The following PTPRE variants were observed in gnomAD, a reference collection of about 807,000 sequenced individuals.
PTPRE encodes protein tyrosine phosphatase receptor type E, also known as receptor-type tyrosine-protein phosphatase epsilon.
In PTPRE, 51 loss-of-function variants were observed where a neutral mutation model predicts 102.0. The ratio of observed to expected loss-of-function variants is 0.50; its 90% confidence interval spans 0.40 to 0.63. The LOEUF (loss-of-function observed/expected upper bound fraction) is 0.63. Among genes scored for constraint, PTPRE ranks in the 30% least tolerant of loss-of-function variants. PTPRE has a pLI of 0.00. For synonymous variants in PTPRE, 345 were observed against 348.2 expected (o/e 0.99, Z 0.10); for missense variants, 752 against 915.1 (o/e 0.82, Z 2.30).
chr10:128,004,127 C>T (rs1019725959), intron 2 of PTPRE, among the ~76,000 whole-genome samples: 8 of 151,404 alleles, frequency 5.3e-5, no homozygotes, highest in African/African-American at 1.9e-4. Context: ...AAATGTGCTG[C>T]GTGCAACAAA....
At chr10:128,049,754 G>A in intron 6 of PTPRE, 88 bp downstream of exon 6, 1 of 1,568,272 alleles carries the variant, frequency 6.4e-7, no homozygotes, top group South Asian at 1.2e-5. Context: ...TTATCCCAAA[G>A]ACTCAGAACC....
intron 2 of PTPRE, among the ~76,000 whole-genome samples, chr10:128,011,938 T>C (rs1436243522): frequency 6.6e-6 from 1 of 152,180 alleles, no homozygotes; most frequent in African/African-American, 2.4e-5. Flanking sequence ...GCGGAAACTG[T>C]CCCAAGATCA....
At position 127,935,621 on chromosome 10, in the gene PTPRE, G is replaced by A. The variant is rs1887463; in HGVS notation, c.-31+28312G>A. Among the ~76,000 whole-genome samples the A allele has an allele frequency of 9.2e-3, 1,401 of 152,162 alleles. 8 individuals are homozygous for A. Among genetic ancestry groups the A allele is most frequent in the East Asian group, 0.024 (126 of 5,152 alleles). On this transcript the variant is annotated intron_variant, in intron 1 of 20. Transcript: ENST00000254667. ...GGACCCTGTCTCCACCCGAGGGCAC[G>A]TTCTCTGACCTCTTCTGCGGAGTAC...
In PTPRE at chr10:127,940,188, C is replaced by T. The variant is rs772189508; in HGVS notation, c.-31+32879C>T. ...TGAGGTGGCTGACAGCTTCACCCAG[C>T]TGAGGTTCTTGCCCATCCTATACAC... On this transcript the variant is annotated intron_variant, in intron 1 of 20. Transcript: ENST00000254667. Among the ~76,000 whole-genome samples, 11 of 152,114 alleles carry T rather than the reference C, an allele frequency of 7.2e-5. 1 individual carries two copies. Among genetic ancestry groups the T allele is most frequent in the Non-Finnish European group, 1.6e-4 (11 of 68,002 alleles).
chr10:128,011,277 T>C (rs1844986660), intron 2 of PTPRE, among the ~76,000 whole-genome samples: 1 of 152,218 alleles, frequency 6.6e-6, no homozygotes, highest in South Asian at 2.1e-4. Context: ...AATCTTAGAA[T>C]GCTAGTTCCT....
chr10:127,987,826 A>C (rs1161094583), intron 2 of PTPRE, among the ~76,000 whole-genome samples: 2 of 152,220 alleles, frequency 1.3e-5, no homozygotes, highest in Admixed American at 1.3e-4. Flanking sequence ...TGCCCTCTTC[A>C]TTTTTCATTT....
intron 1 of PTPRE, among the ~76,000 whole-genome samples, chr10:127,931,354 A>G (rs1485433023): frequency 2.6e-5 from 4 of 152,248 alleles, no homozygotes; most frequent in African/African-American, 9.6e-5. Context: ...TAAATGGCCC[A>G]AAGGATTCGT....
intron 10 of PTPRE, among the ~76,000 whole-genome samples, chr10:128,063,990 C>T (rs917570773): frequency 1.3e-5 from 2 of 152,204 alleles, no homozygotes; most frequent in Non-Finnish European, 2.9e-5. Flanking sequence ...CATGAAGGCC[C>T]GGTTCAGTGG....
Position 127,978,895 on chromosome 10 carries a change from C to T in PTPRE, c.-30-3379C>T, listed in dbSNP as rs182523358. ...AATTAGCCAGGTGTGGTGGTGTGTG[C>T]CTGTAATCCCAGCTACTCAGGAGGC... On this transcript the variant is annotated intron_variant, in intron 1 of 20. Coordinates refer to ENST00000254667, the MANE Select transcript of PTPRE (RefSeq NM_006504.6). Among the ~76,000 whole-genome samples the T allele has an allele frequency of 2.5e-3, 381 of 152,204 alleles. 6 individuals carry two copies. Among genetic ancestry groups the T allele is most frequent in the Admixed American group, 0.022 (337 of 15,296 alleles).
At chr10:127,927,478 G>T (rs1045724372) in intron 1 of PTPRE, among the ~76,000 whole-genome samples, 2 of 152,172 alleles carry the variant, frequency 1.3e-5, no homozygotes, top group South Asian at 2.1e-4. Flanking sequence ...CCATATTATG[G>T]TTAGCAAAAC....
chr10:128,066,284 C>A (rs1850081623), intron 11 of PTPRE, 90 bp downstream of exon 11: 1 of 1,555,508 alleles, frequency 6.4e-7, no homozygotes, highest in Non-Finnish European at 8.7e-7. Flanking sequence ...TTATGAAGTG[C>A]TTTGCTCCCA....
chr10:127,967,350 T>A (rs1278254831), intron 1 of PTPRE, among the ~76,000 whole-genome samples: 1 of 152,132 alleles, frequency 6.6e-6, no homozygotes, highest in African/African-American at 2.4e-5. Flanking sequence ...TCCCCACGTG[T>A]CATGGGAGGG....
At chr10:128,076,425 T>C (rs1374603851) in intron 17 of PTPRE, among the ~76,000 whole-genome samples, 178 bp from the exon 18 acceptor site, 1 of 152,212 alleles carries the variant, frequency 6.6e-6, no homozygotes, top group African/African-American at 2.4e-5. Flanking sequence ...TTCTAGACTC[T>C]GTTCTGTTCC....
intron 2 of PTPRE, among the ~76,000 whole-genome samples, chr10:128,029,436 G>A (rs757548740): frequency 1.2e-4 from 18 of 152,150 alleles, no homozygotes; most frequent in Non-Finnish European, 1.8e-4. Context: ...GGCGTCTGAA[G>A]CAGGTGGCAC....
At chr10:127,922,420 G>T (rs965589910) in intron 1 of PTPRE, among the ~76,000 whole-genome samples, 3 of 152,216 alleles carry the variant, frequency 2.0e-5, no homozygotes, top group Non-Finnish European at 4.4e-5. Context: ...TGGAGACTCC[G>T]TGGGGCAAGG....
chr10:127,961,559 C>T (rs1473319519), intron 1 of PTPRE, among the ~76,000 whole-genome samples: 2 of 152,154 alleles, frequency 1.3e-5, no homozygotes, highest in Non-Finnish European at 2.9e-5. Flanking sequence ...TGCTGGCAGG[C>T]ACAGCCTTCT....
intron 1 of PTPRE, among the ~76,000 whole-genome samples, chr10:127,911,584 C>G (rs190971630): frequency 1.3e-5 from 2 of 152,340 alleles, no homozygotes; most frequent in South Asian, 2.1e-4. Flanking sequence ...AGGGGCTGTC[C>G]TGGGCCATCT....
rs1341049222 is a variant in PTPRE at position 128,085,812 on chromosome 10, T to G, written c.*2906T>G. On this transcript the variant is annotated 3_prime_UTR_variant, in exon 21 of 21. Transcript: ENST00000254667. The stretch of plus-strand genomic sequence containing the variant: ...TCTTTGTATATGCAAATTGCAAGAT[T>G]TAAACCATTCTGATGCAAGGATAAA... 6.9e-6 allele frequency: 1 copy of G among 144,670 alleles called. No homozygotes were observed. The highest frequency in any genetic ancestry group is 1.5e-5 in the Non-Finnish European group (1 of 67,144). The allele number at this position is 144,670 out of a possible 1,614,324, so 9.0% of individuals were successfully genotyped here. A position where few individuals can be genotyped will look rare whatever the true frequency, so the allele number is the denominator to read the frequency against.
chr10:128,055,089 C>T (rs995543313), intron 6 of PTPRE, among the ~76,000 whole-genome samples: 1 of 152,116 alleles, frequency 6.6e-6, no homozygotes, highest in Non-Finnish European at 1.5e-5. Flanking sequence ...GGCAGATGAC[C>T]CAGCTCCTTC....
Sources: allele counts gnomAD v4.1 joint callset (sites outside exome capture counted in the v4.1 genomes callset), GRCh38; gene constraint gnomAD v4.1.1; transcripts MANE v1.5; gene names NCBI Gene and HGNC (gene_info 2026-07-23, HGNC 2026-07-21).